DMXL1: variants seen among roughly 807,000 people sequenced by gnomAD.
The protein encoded by DMXL1 is Dmx like 1.
In DMXL1, 99 loss-of-function variants were observed where a neutral mutation model predicts 319.2. The ratio of observed to expected loss-of-function variants is 0.31; its 90% CI spans 0.26 to 0.37. The LOEUF is 0.37. DMXL1 is among the 10% of genes least tolerant of loss of function. DMXL1 has a pLI of 1.00. For missense variants in DMXL1, 3,745 were observed against 3,595.6 expected (o/e 1.04, Z -1.06); for synonymous variants, 1,385 against 1,235.2 (o/e 1.12, Z -2.54).
Position 119,169,939 on chromosome 5 carries a change from C to T in DMXL1, c.5399-251C>T, listed in dbSNP as rs117133997. On this transcript the variant is annotated intron_variant, in intron 23 of 43. Coordinates refer to ENST00000539542, the MANE Select transcript of DMXL1 (RefSeq NM_001290321.3). The stretch of plus-strand genomic sequence containing the variant: ...TCTATAACTGGACGTTTTAAATTAT[C>T]CTAGAATATTACCTGAAGAGACTTG... 3.9e-3 allele frequency among the ~76,000 whole-genome samples: 590 copies of T among 152,190 alleles called. 8 individuals are homozygous for T. Among genetic ancestry groups the T allele is most frequent in the South Asian group, 0.026 (126 of 4,824 alleles).
chr5:119,121,120 C>T lies in DMXL1; in HGVS notation c.1083C>T (p.Ala361=), dbSNP rs1761949100. 1 of 1,606,094 alleles carries T rather than the reference C, an allele frequency of 6.2e-7. No homozygotes were observed. Among genetic ancestry groups the T allele is most frequent in the East Asian group, 2.2e-5 (1 of 44,712 alleles). The change falls in exon 9 of 44, where the codon GCC becomes GCT. Residue 361 remains alanine, a synonymous_variant. Transcript: ENST00000539542. The part of the protein sequence containing the change: ...ANALCHFHIA[A]SINPATDIPL... ...CACTTTGCCACTTTCATATTGCAGCCAGCATCAACCCAGCCACAGGTAATG... is the reference window on the plus strand; with the variant it reads ...CACTTTGCCACTTTCATATTGCAGCTAGCATCAACCCAGCCACAGGTAATG...
At chr5:119,116,384 T>G in intron 7 of DMXL1, 48 bp downstream of exon 7, 1 of 1,563,842 alleles carries the variant, frequency 6.4e-7, no homozygotes, top group Non-Finnish European at 8.7e-7. Flanking sequence ...AGCATCATCT[T>G]TGTTACTTTG....
chr5:119,120,892 A>T, intron 8 of DMXL1, 79 bp from the exon 9 acceptor site: 6 of 1,159,312 alleles, frequency 5.2e-6, no homozygotes, highest in Non-Finnish European at 7.0e-6. Context: ...GATATATGTA[A>T]CTTCTGACAA....
rs1773516370 is a variant in DMXL1 at position 119,166,739 on chromosome 5, A to T, written c.5094A>T (p.Ala1698=). The change falls in exon 22 of 44, where the codon GCA becomes GCT. Residue 1698 remains alanine (A), a synonymous_variant. Coordinates refer to ENST00000539542, the MANE Select transcript of DMXL1 (RefSeq NM_001290321.3). ...GCAAACAAAGATTTGAACATTCTGC[A>T]GCATTTTTTCTTTTAGCTGGTTGCC... ...LLGKQRFEHS[A]AFFLLAGCLR... 3 of 1,612,646 alleles carry T rather than the reference A, an allele frequency of 1.9e-6. No homozygotes were observed. Among genetic ancestry groups the T allele is most frequent in the Non-Finnish European group, 2.5e-6 (3 of 1,179,518 alleles).
At chr5:119,189,673 A>G in intron 28 of DMXL1, 35 bp from the exon 29 acceptor site, 3 of 1,583,604 alleles carry the variant, frequency 1.9e-6, no homozygotes, top group Non-Finnish European at 2.6e-6. Flanking sequence ...CAATGAAAAT[A>G]GTACTTCAGT....
Position 119,171,807 on chromosome 5 carries a change from T to G in DMXL1, c.6519T>G (p.Pro2173=), listed in dbSNP as rs1208388844. ...QETSEPLFSS[P]LSEQTSVPLL... is the part of the protein sequence containing the mutation. ...CATCAGAACCACTATTTTCTAGCCC[T>G]CTGTCAGAGCAAACCTCAGTGCCTC... Residue 2173 remains proline (P), a synonymous_variant, in exon 25 of 44, where the codon CCT becomes CCG. Coordinates refer to ENST00000539542, the MANE Select transcript of DMXL1 (RefSeq NM_001290321.3). 6.2e-7 allele frequency: 1 copy of G among 1,612,992 alleles called. No homozygotes were observed. The highest frequency in any genetic ancestry group is 8.5e-7 in the Non-Finnish European group (1 of 1,179,522).
chr5:119,240,536 T>C, intron 42 of DMXL1, 65 bp downstream of exon 42: 10 of 1,154,264 alleles, frequency 8.7e-6, no homozygotes, highest in Non-Finnish European at 1.1e-5. Context: ...ATATTATTTA[T>C]AAGTGGATTT....
chr5:119,149,428 C>A lies in DMXL1; in HGVS notation c.3601C>A (p.Arg1201=). ...GCCCCTTTCTAAATTTGTACTATTA[C>A]GAAGTGTGGACCTAGTTTCTTCTGT... ...VVPLSKFVLL[R]SVDLVSSVDG... Residue 1201 remains arginine, a synonymous_variant, in exon 18 of 44, where the codon CGA becomes AGA. Transcript: ENST00000539542. The A allele has an allele frequency of 1.2e-6, 2 of 1,613,930 alleles. No individual in the cohort carries two copies. Among genetic ancestry groups the A allele is most frequent in the Non-Finnish European group, 8.5e-7 (1 of 1,179,892 alleles).
In DMXL1 at chr5:119,248,081, A is replaced by G. The variant is rs1426470302; in HGVS notation, c.*862A>G. 1 of 152,206 alleles carries G rather than the reference A, an allele frequency of 6.6e-6. No homozygotes were observed. The highest frequency in any genetic ancestry group is 2.4e-5 in the African/African-American group (1 of 41,460). The allele number at this position is 152,206 out of a possible 1,614,324, so 9.4% of individuals were successfully genotyped here. ...GGCAATAAAGTTTCTGTGGTGGCAT[A>G]TATCATGTAAGACACTTAAAGTAAG... On this transcript the variant is annotated 3_prime_UTR_variant, in exon 44 of 44. Coordinates refer to ENST00000539542, the MANE Select transcript of DMXL1 (RefSeq NM_001290321.3).
chr5:119,097,979 G>T lies in DMXL1; in HGVS notation c.88G>T (p.Ala30Ser). 1 of 1,602,214 alleles carries T rather than the reference G, an allele frequency of 6.2e-7. No homozygotes were observed. Among genetic ancestry groups the T allele is most frequent in the South Asian group, 1.1e-5 (1 of 88,752 alleles). ...CATTTTTATTTATTTATTTTTTTAG[G>T]CTTATGCATCTGGATGTGACATTGT... Reference protein sequence around the residue: ...VGSIGDQRFTAYASGCDIVIL... With the variant: ...VGSIGDQRFTSYASGCDIVIL... The change falls in exon 2 of 44, where the codon GCT becomes TCT. Residue 30 changes from alanine to serine, a missense_variant and splice_region_variant. Ala to Ser is a moderately conservative substitution (Grantham distance 99). This residue lies in a region of DMXL1 where 2,096 missense variants were observed against 1,985.4 expected (regional missense o/e 1.06). Transcript: ENST00000539542.
chr5:119,193,525 T>C lies in DMXL1; in HGVS notation c.7315-303T>C, dbSNP rs144561162. On this transcript the variant is annotated intron_variant, in intron 29 of 43. Coordinates refer to ENST00000539542, the MANE Select transcript of DMXL1 (RefSeq NM_001290321.3). ...TGTATTTAGTTTTCTGTTATTTGCC[T>C]ATTTTTTTCCAGTAACATGTAAAAA... Among the ~76,000 whole-genome samples, 14 of 152,332 alleles carry C rather than the reference T, an allele frequency of 9.2e-5. No homozygotes were observed. In the East Asian group the frequency reaches 2.5e-3, roughly 27 times the overall value.
At chr5:119,096,095 C>G (rs945131943) in intron 1 of DMXL1, among the ~76,000 whole-genome samples, 1 of 151,896 alleles carries the variant, frequency 6.6e-6, no homozygotes, top group African/African-American at 2.4e-5. Context: ...TATGTTCTCT[C>G]AAGTCCCATT....
At chr5:119,146,793 C>G (rs1209559531) in intron 15 of DMXL1, 44 bp from the exon 16 acceptor site, 2 of 1,560,826 alleles carry the variant, frequency 1.3e-6, no homozygotes, top group Non-Finnish European at 1.7e-6. Context: ...CAAGTTGTCT[C>G]TTTTACACAT....
rs757965604 is a variant in DMXL1 at position 119,110,140 on chromosome 5, A to AT, written c.365-3dup. The AT allele has an allele frequency of 1.4e-5, 22 of 1,583,176 alleles. No individual in the cohort carries two copies. The highest frequency in any genetic ancestry group is 5.6e-5 in the Admixed American group (3 of 53,862). ...ACCTAAATAATAAATGAGGAATAAT[A>AT]TTTTTTTTAGGCAGTCGTCTTTTAA... is the stretch of plus-strand genomic sequence containing the variant. On this transcript the variant is annotated splice_polypyrimidine_tract_variant and intron_variant, in intron 4 of 43. Transcript: ENST00000539542.
chr5:119,188,771 T>C (rs1435244299), intron 28 of DMXL1, among the ~76,000 whole-genome samples: 15 of 152,258 alleles, frequency 9.9e-5, no homozygotes, highest in Non-Finnish European at 2.2e-4. Context: ...CCAAATTACT[T>C]TGTTAAACTC....
intron 28 of DMXL1, among the ~76,000 whole-genome samples, chr5:119,180,229 G>A (rs1275213643): frequency 6.6e-6 from 1 of 152,140 alleles, no homozygotes; most frequent in Non-Finnish European, 1.5e-5. Flanking sequence ...GTCTCTTAAC[G>A]TATTTGACCT....
chr5:119,227,797 T>C (rs1266366928), intron 38 of DMXL1, among the ~76,000 whole-genome samples: 3 of 152,180 alleles, frequency 2.0e-5, no homozygotes, highest in Non-Finnish European at 4.4e-5. Context: ...TTGCTTTTAC[T>C]CCTGGCAAGC....
rs188625394 is a variant in DMXL1 at position 119,203,443 on chromosome 5, A to T, written c.7863+7A>T. On this transcript the variant is annotated splice_region_variant and intron_variant, in intron 33 of 43. Transcript: ENST00000539542. ...GAAACGGTGTCTAAATGAGGTCTGT[A>T]TAAGTTAAAACCTGTTTACTATTTT... 6.6e-7 allele frequency: 1 copy of T among 1,510,130 alleles called. No homozygotes were observed. The highest frequency in any genetic ancestry group is 9.1e-7 in the Non-Finnish European group (1 of 1,101,988). 93.5% of individuals were successfully genotyped at this position (1,510,130 alleles called of 1,614,324 possible). A position where few individuals can be genotyped will look rare whatever the true frequency, so the allele number is the denominator to read the frequency against.
intron 28 of DMXL1, among the ~76,000 whole-genome samples, chr5:119,180,258 T>C (rs1215193823): frequency 2.6e-5 from 4 of 152,214 alleles, no homozygotes; most frequent in Admixed American, 1.3e-4. Flanking sequence ...ATTGTACTTA[T>C]GGAATAGTAT....
Sources: allele counts gnomAD v4.1 joint callset (sites outside exome capture counted in the v4.1 genomes callset), GRCh38; gene constraint gnomAD v4.1.1; regional missense constraint gnomAD v4.1.1; transcripts MANE v1.5; gene names NCBI Gene and HGNC (gene_info 2026-07-23, HGNC 2026-07-21).